LITAF: variants seen among roughly 807,000 people sequenced by gnomAD.
The protein encoded by LITAF is lipopolysaccharide induced TNF factor, also known as lipopolysaccharide-induced tumor necrosis factor-alpha factor.
In LITAF, 9 loss-of-function variants were observed where a neutral mutation model predicts 14.5. The observed-to-expected ratio is 0.62, with a 90% CI of 0.37 to 1.08. The LOEUF (loss-of-function observed/expected upper bound fraction) is 1.08, where lower values mean the gene tolerates loss of function less well. Ranked by LOEUF, LITAF falls within the 50% of genes least tolerant of loss-of-function variation. The probability of loss-of-function intolerance (pLI) is 0.01; values close to 1 mark genes in which losing one functional copy is unlikely to be tolerated. For missense variants in LITAF, 206 were observed against 213.4 expected, an observed-to-expected ratio of 0.97 and a Z score of 0.22; for synonymous variants, 98 against 88.2, an observed-to-expected ratio of 1.11 and a Z score of -0.62.
At chr16:11,614,792 C>G (rs1324778792) in intron 3 of LITAF, among the ~76,000 whole-genome samples, 1 of 152,208 alleles carries the variant, frequency 6.6e-6, no homozygotes, top group Non-Finnish European at 1.5e-5. Flanking sequence ...TTACAAATAT[C>G]TTCTTACTTC....
chr16:11,578,756 A>C (rs2079277594), intron 1 of LITAF, among the ~76,000 whole-genome samples: 1 of 152,246 alleles, frequency 6.6e-6, no homozygotes, highest in South Asian at 2.1e-4. Context: ...CACTGTAATC[A>C]TGAGAAAAAT....
In LITAF at chr16:11,605,417, A is replaced by G. The variant is rs191077434; in HGVS notation, c.85+28116T>C. Among the ~76,000 whole-genome samples the G allele has an allele frequency of 7.2e-5, 11 of 152,288 alleles. No homozygotes were observed. In the East Asian group the frequency reaches 2.1e-3, roughly 29 times the overall value. Reference sequence around the variant, plus strand: ...GGACTGGGAAGAGGGAAAGGAGCACAGCTAGCACTGCCCTGGGCTCCCTTC... The same window carrying G: ...GGACTGGGAAGAGGGAAAGGAGCACGGCTAGCACTGCCCTGGGCTCCCTTC... On this transcript the variant is annotated intron_variant, in intron 3 of 3. Coordinates refer to the LITAF transcript ENST00000574848. The surrounding 1 kb of genome is among the most constrained non-coding windows in gnomAD (Gnocchi z 4.7).
chr16:11,628,049 T>C (rs1346209758), intron 3 of LITAF, among the ~76,000 whole-genome samples: 1 of 146,942 alleles, frequency 6.8e-6, no homozygotes, highest in Admixed American at 6.8e-5. Context: ...CCTGTAATTC[T>C]CCATTGGCCC....
chr16:11,587,750 C>A (rs1448544529), upstream of LITAF, among the ~76,000 whole-genome samples: 1 of 152,192 alleles, frequency 6.6e-6, no homozygotes, highest in African/African-American at 2.4e-5. Flanking sequence ...CATCGGCCGG[C>A]TGCAGTGATA....
upstream of LITAF, among the ~76,000 whole-genome samples, chr16:11,639,619 T>TAA (rs34112249): frequency 3.3e-5 from 5 of 150,312 alleles, no homozygotes; most frequent in African/African-American, 7.4e-5. Flanking sequence ...GAAAGATTTT[T>TAA]AAAAAAAAAA....
At chr16:11,617,094 C>G (rs1315870825) in intron 3 of LITAF, among the ~76,000 whole-genome samples, 1 of 151,892 alleles carries the variant, frequency 6.6e-6, no homozygotes, top group Non-Finnish European at 1.5e-5. Context: ...GTGGTGCAAG[C>G]CTGTGGTCCC....
At chr16:11,624,820 G>T (rs1455945722) in intron 3 of LITAF, among the ~76,000 whole-genome samples, 2 of 152,178 alleles carry the variant, frequency 1.3e-5, no homozygotes, top group Non-Finnish European at 2.9e-5. Context: ...GTGGCCTCGA[G>T]ACTTGCTTTG....
At chr16:11,639,495 A>G (rs1324420251), upstream of LITAF, among the ~76,000 whole-genome samples, 1 of 152,090 alleles carries the variant, frequency 6.6e-6, no homozygotes, top group Non-Finnish European at 1.5e-5. Context: ...GGATGGATAG[A>G]TGGATGGACA....
intron 2 of LITAF, among the ~76,000 whole-genome samples, chr16:11,635,561 G>A (rs545152097): frequency 9.4e-4 from 143 of 152,254 alleles, no homozygotes; most frequent in African/African-American, 3.3e-3. Flanking sequence ...GTTTCTGTCC[G>A]CCTGACTGCA....
At chr16:11,620,268 C>A (rs112784270) in intron 3 of LITAF, among the ~76,000 whole-genome samples, 7,128 of 152,184 alleles carry the variant, frequency 0.047, 238 homozygotes, top group African/African-American at 0.085. Context: ...GAAGCGGATC[C>A]CCCATGATTG....
intron 1 of LITAF, among the ~76,000 whole-genome samples, chr16:11,573,564 C>A (rs2064579777): frequency 6.6e-6 from 1 of 152,156 alleles, no homozygotes; most frequent in African/African-American, 2.4e-5. Context: ...GATGGTCCCT[C>A]CCCACAAGGT....
chr16:11,632,219 C>A lies in LITAF; in HGVS notation c.85+1314G>T, dbSNP rs918263002. ...TCACCTTCACAAGTGCTGGGAGTTA[C>A]GTCGTGGACGTGTCTTTCGGGGAGG... On this transcript the variant is annotated intron_variant, in intron 3 of 3. Transcript: ENST00000574848. This position sits in a 1 kb window ranked among gnomAD's most constrained non-coding sequence, Gnocchi z 4.8. Among the ~76,000 whole-genome samples, 1 of 152,120 alleles carries A rather than the reference C, an allele frequency of 6.6e-6. No individual in the cohort carries two copies. The highest frequency in any genetic ancestry group is 2.4e-5 in the African/African-American group (1 of 41,436).
At chr16:11,560,174 G>A (rs369583794) in intron 1 of LITAF, among the ~76,000 whole-genome samples, 1 of 151,564 alleles carries the variant, frequency 6.6e-6, no homozygotes, top group Non-Finnish European at 1.5e-5. Flanking sequence ...TTGGGCGCCT[G>A]TAATCCCAGC....
At chr16:11,614,110 A>ACT (rs1258979312) in intron 3 of LITAF, among the ~76,000 whole-genome samples, 2 of 151,676 alleles carry the variant, frequency 1.3e-5, no homozygotes, top group Non-Finnish European at 2.9e-5. Flanking sequence ...AGTCTCTCTC[A>ACT]CTCTCCTTTC....
intron 1 of LITAF, among the ~76,000 whole-genome samples, chr16:11,582,408 A>T (rs1247849953): frequency 3.3e-5 from 5 of 151,888 alleles, no homozygotes; most frequent in Non-Finnish European, 5.9e-5. Flanking sequence ...CAAGCTGTGT[A>T]TAGAACTGTT....
At chr16:11,555,307 G>T (rs1275044036) in intron 2 of LITAF, among the ~76,000 whole-genome samples, 1 of 152,168 alleles carries the variant, frequency 6.6e-6, no homozygotes, top group African/African-American at 2.4e-5. Context: ...AGGATTACAG[G>T]CGCAAGCCAC....
At chr16:11,559,291 G>T (rs2064321019) in intron 1 of LITAF, among the ~76,000 whole-genome samples, 1 of 152,078 alleles carries the variant, frequency 6.6e-6, no homozygotes, top group African/African-American at 2.4e-5. Flanking sequence ...TGTGAGTGAA[G>T]AACTGAATTT....
chr16:11,627,542 T>C (rs886825996), intron 3 of LITAF, among the ~76,000 whole-genome samples: 3 of 152,174 alleles, frequency 2.0e-5, no homozygotes, highest in Non-Finnish European at 4.4e-5. Context: ...ACTAATGTAT[T>C]AGACTTAAAA....
chr16:11,639,956 G>A (rs1319359445), upstream of LITAF, among the ~76,000 whole-genome samples: 5 of 152,162 alleles, frequency 3.3e-5, no homozygotes, highest in Admixed American at 6.6e-5. Flanking sequence ...TGTATGTTTC[G>A]CAGAGACATA....
Sources: allele counts gnomAD v4.1 joint callset (sites outside exome capture counted in the v4.1 genomes callset), GRCh38; gene constraint gnomAD v4.1.1; non-coding constraint Gnocchi (gnomAD v3.1); transcripts MANE v1.5; gene names NCBI Gene and HGNC (gene_info 2026-07-23, HGNC 2026-07-21).